MYRIP: variants seen among roughly 807,000 people sequenced by gnomAD.
The protein encoded by MYRIP is myosin VIIA and Rab interacting protein.
Under a neutral mutation model 98.0 loss-of-function variants are expected in MYRIP, and 49 were observed. That is an observed-to-expected ratio of 0.50 (90% CI 0.40 to 0.63). The LOEUF is 0.63. Ranked by LOEUF, MYRIP falls within the 30% of genes least tolerant of loss-of-function variation. The pLI is 0.00. For synonymous variants in MYRIP, 404 were observed against 409.5 expected (o/e 0.99, Z 0.16); for missense variants, 1,004 against 1,058.2 (o/e 0.95, Z 0.71).
At chr3:39,907,293 A>C (rs780078078) in intron 2 of MYRIP, among the ~76,000 whole-genome samples, 1 of 152,202 alleles carries the variant, frequency 6.6e-6, no homozygotes, top group South Asian at 2.1e-4. Flanking sequence ...TAAAATAAGT[A>C]AATAGACTGT....
chr3:40,141,798 G>T (rs1364731938), intron 3 of MYRIP, among the ~76,000 whole-genome samples: 3 of 152,082 alleles, frequency 2.0e-5, no homozygotes, highest in Non-Finnish European at 4.4e-5. Flanking sequence ...TGCTCTATTG[G>T]TTTATGTGTC....
intron 3 of MYRIP, among the ~76,000 whole-genome samples, chr3:40,057,215 A>C (rs1031938757): frequency 1.3e-5 from 2 of 152,004 alleles, no homozygotes; most frequent in Non-Finnish European, 2.9e-5. Context: ...AGATTCACAA[A>C]AAGAGCCTCA....
chr3:40,083,485 A>T (rs1392109723), intron 3 of MYRIP, among the ~76,000 whole-genome samples: 1 of 152,222 alleles, frequency 6.6e-6, no homozygotes, highest in Non-Finnish European at 1.5e-5. Flanking sequence ...AGTAAAGCAT[A>T]GTATAGGTGG....
intron 8 of MYRIP, chr3:40,173,253 CT>C (rs1950663644): frequency 6.6e-6 from 1 of 152,170 alleles, no homozygotes; most frequent in South Asian, 2.1e-4. Context: ...AAACGGAATC[CT>C]AGCTACCCCA....
intron 2 of MYRIP, among the ~76,000 whole-genome samples, chr3:40,014,309 TAAG>T (rs1946817723): frequency 6.6e-6 from 1 of 152,192 alleles, no homozygotes; most frequent in African/African-American, 2.4e-5. Flanking sequence ...TAAGAAATAA[TAAG>T]GAGAAATAAT....
intron 2 of MYRIP, among the ~76,000 whole-genome samples, chr3:39,903,190 A>T (rs1211839683): frequency 2.0e-5 from 3 of 152,218 alleles, no homozygotes; most frequent in Admixed American, 2.0e-4. Context: ...AGATTATGAC[A>T]CTGCAAAACC....
At chr3:40,143,982 G>T (rs190748710) in intron 3 of MYRIP, among the ~76,000 whole-genome samples, 1 of 152,294 alleles carries the variant, frequency 6.6e-6, no homozygotes, top group African/African-American at 2.4e-5. Context: ...ATTTCGGAAT[G>T]CTATAGAGTT....
intron 4 of MYRIP, 84 bp from the exon 5 acceptor site, chr3:40,162,646 C>A: frequency 8.3e-7 from 1 of 1,205,728 alleles, no homozygotes; most frequent in Non-Finnish European, 1.2e-6. Flanking sequence ...AGTGGTCTGC[C>A]AGTTCAGTGA....
At chr3:40,218,623 T>TATATATA (rs1553629239) in intron 11 of MYRIP, among the ~76,000 whole-genome samples, 32 of 89,278 alleles carry the variant, frequency 3.6e-4, no homozygotes, top group African/African-American at 2.0e-3. Flanking sequence ...TATATATATA[T>TATATATA]ATATATATAT....
At chr3:40,121,462 CTCTTCT>C (rs1294335749) in intron 3 of MYRIP, among the ~76,000 whole-genome samples, 1 of 151,318 alleles carries the variant, frequency 6.6e-6, no homozygotes, top group South Asian at 2.1e-4. Context: ...TTTTTTTTCA[CTCTTCT>C]TCTTCTGCTC....
chr3:40,047,015 C>T (rs778203143), intron 3 of MYRIP, among the ~76,000 whole-genome samples: 1 of 152,184 alleles, frequency 6.6e-6, no homozygotes, highest in African/African-American at 2.4e-5. Flanking sequence ...AATTAAATGA[C>T]ACATTGCATT....
chr3:40,162,863 C>T (rs113166391), intron 5 of MYRIP, 53 bp downstream of exon 5: 8 of 1,513,166 alleles, frequency 5.3e-6, no homozygotes, highest in Non-Finnish European at 6.4e-6. Context: ...AATAGAAACA[C>T]CTACAGGTAC....
At chr3:40,165,910 A>C (rs1202113463) in intron 5 of MYRIP, among the ~76,000 whole-genome samples, 2 of 152,220 alleles carry the variant, frequency 1.3e-5, no homozygotes, top group Non-Finnish European at 2.9e-5. Context: ...GAGGAATTGG[A>C]ATCCAGCTGG....
At chr3:39,816,239 G>A (rs1041019765) in intron 1 of MYRIP, among the ~76,000 whole-genome samples, 6 of 151,918 alleles carry the variant, frequency 3.9e-5, no homozygotes, top group African/African-American at 4.8e-5. Context: ...CGGCCACCAC[G>A]CCCAGCTAAA....
In MYRIP at chr3:40,005,587, T is replaced by C. The variant is rs527646016; in HGVS notation, c.111-38463T>C. Among the ~76,000 whole-genome samples, 78 of 152,356 alleles carry C rather than the reference T, an allele frequency of 5.1e-4. No homozygotes were observed. The South Asian group carries it at 0.015, about 29-fold the overall frequency. On this transcript the variant is annotated intron_variant, in intron 2 of 16. Transcript: ENST00000302541. ...AAAATAGATTTCATAGGCAGATGAT[T>C]TGGAACAATGCAGTTTGATTTCATT...
chr3:39,871,013 A>G, intron 1 of MYRIP, among the ~76,000 whole-genome samples: 1 of 152,162 alleles, frequency 6.6e-6, no homozygotes, highest in Non-Finnish European at 1.5e-5. Flanking sequence ...TGTCCAGTCC[A>G]TTTTCCCATG....
chr3:40,227,586 G>A (rs1952525073), intron 11 of MYRIP, among the ~76,000 whole-genome samples: 1 of 151,962 alleles, frequency 6.6e-6, no homozygotes, highest in African/African-American at 2.4e-5. Context: ...TTTGGCAAAA[G>A]AAAAAACAAG....
chr3:40,160,873 C>T (rs7639009), intron 4 of MYRIP, among the ~76,000 whole-genome samples: 13,177 of 152,146 alleles, frequency 0.087, 1,193 homozygotes, highest in African/African-American at 0.22. Flanking sequence ...GCACACGGTG[C>T]GCACACCCAC....
chr3:39,934,666 G>A (rs1045544710), intron 2 of MYRIP, among the ~76,000 whole-genome samples: 1 of 152,200 alleles, frequency 6.6e-6, no homozygotes, highest in Non-Finnish European at 1.5e-5. Flanking sequence ...TTGGAGTCCA[G>A]CTGGGGAAGA....
Sources: allele counts gnomAD v4.1 joint callset (sites outside exome capture counted in the v4.1 genomes callset), GRCh38; gene constraint gnomAD v4.1.1; transcripts MANE v1.5; gene names NCBI Gene and HGNC (gene_info 2026-07-23, HGNC 2026-07-21).